The following TYW1 variants were observed in gnomAD, a reference collection of about 807,000 sequenced individuals.
The protein encoded by TYW1 is tRNA-yW synthesizing protein 1 homolog, also known as S-adenosyl-L-methionine-dependent tRNA 4-demethylwyosine synthase TYW1.
A neutral mutation model predicts 96.2 loss-of-function variants in TYW1; 46 were observed. The observed-to-expected ratio is 0.48, with a 90% CI of 0.38 to 0.61. The LOEUF is 0.61. Ranked by LOEUF, TYW1 falls within the 20% of genes least tolerant of loss-of-function variation. TYW1 has a pLI of 0.00. For synonymous variants in TYW1, 274 were observed against 323.0 expected, an observed-to-expected ratio of 0.85 and a Z score of 1.63; for missense variants, 684 against 909.6, an observed-to-expected ratio of 0.75 and a Z score of 3.19.
chr7:67,235,028 T>G (rs1801840945), intron 15 of TYW1, among the ~76,000 whole-genome samples: 3 of 152,044 alleles, frequency 2.0e-5, no homozygotes, highest in Admixed American at 6.6e-5. Flanking sequence ...ACACCCATGG[T>G]AAATGATCAT....
chr7:67,013,110 C>T (rs1584461721), intron 4 of TYW1, among the ~76,000 whole-genome samples: 1 of 147,896 alleles, frequency 6.8e-6, no homozygotes, highest in African/African-American at 2.5e-5. Flanking sequence ...TGTATTTTTT[C>T]TTTTCTTTTC....
intron 13 of TYW1, among the ~76,000 whole-genome samples, chr7:67,156,341 G>A (rs561570162): frequency 6.6e-6 from 1 of 152,364 alleles, no homozygotes; most frequent in African/African-American, 2.4e-5. Flanking sequence ...GACAGGTGGA[G>A]TGGGTTGATC....
chr7:67,009,238 TC>T (rs1408482561), intron 3 of TYW1, among the ~76,000 whole-genome samples: 2 of 152,186 alleles, frequency 1.3e-5, no homozygotes, highest in African/African-American at 2.4e-5. Context: ...CCTCAAGTGA[TC>T]CTCCCACCTC....
At chr7:67,114,336 CA>C (rs1288572953) in intron 12 of TYW1, 1 of 153,848 alleles carries the variant, frequency 6.5e-6, no homozygotes, top group Non-Finnish European at 1.5e-5. Flanking sequence ...GCAGATATGT[CA>C]GGCCTCATTC....
intron 12 of TYW1, among the ~76,000 whole-genome samples, chr7:67,115,219 G>T (rs1194063568): frequency 1.3e-5 from 2 of 149,112 alleles, no homozygotes; most frequent in Non-Finnish European, 3.0e-5. Context: ...ATGATAGCCA[G>T]CAGTAACCAT....
chr7:67,007,672 G>A (rs532290599), intron 3 of TYW1, among the ~76,000 whole-genome samples: 13 of 151,942 alleles, frequency 8.6e-5, no homozygotes, highest in African/African-American at 2.9e-4. Flanking sequence ...TCGCTCTGTC[G>A]TCCAGGCTGG....
At chr7:67,022,651 C>T (rs61680214) in intron 6 of TYW1, among the ~76,000 whole-genome samples, 26,099 of 152,130 alleles carry the variant, frequency 0.17, 2,737 homozygotes, top group East Asian at 0.46. Flanking sequence ...GTATGTTTCA[C>T]GTGGTGTACT....
rs1275146661 is a variant in TYW1, at chr7:67,179,919, C to T, written c.1699-3207C>T. ...TTGCTGTGTCACCCAGGCTGGAGTG[C>T]GTTGGTGTGATCATGGCTCACGGCA... On this transcript the variant is annotated intron_variant, in intron 13 of 15. Transcript: ENST00000359626. 3.1e-5 allele frequency among the ~76,000 whole-genome samples: 3 copies of T among 96,920 alleles called. 1 individual carries two copies. Among genetic ancestry groups the T allele is most frequent in the South Asian group, 3.6e-4 (1 of 2,808 alleles). The allele number at this position is 96,920 out of a possible 152,430, so 63.6% of individuals were successfully genotyped here.
chr7:67,118,447 A>G (rs189452881), intron 13 of TYW1, among the ~76,000 whole-genome samples: 15 of 152,254 alleles, frequency 9.9e-5, no homozygotes, highest in African/African-American at 2.9e-4. Flanking sequence ...TACAATGTAA[A>G]TGCCATGTAA....
At chr7:67,135,302 GT>G (rs869257148) in intron 13 of TYW1, among the ~76,000 whole-genome samples, 315 of 111,810 alleles carry the variant, frequency 2.8e-3, no homozygotes, top group African/African-American at 6.5e-3. Context: ...TGTTAAAACA[GT>G]TTTTTTTTTT....
chr7:67,088,993 T>C (rs1399995919), intron 11 of TYW1, among the ~76,000 whole-genome samples: 1 of 152,240 alleles, frequency 6.6e-6, no homozygotes, highest in Non-Finnish European at 1.5e-5. Context: ...CTTGAAGGCA[T>C]TTCCTTCGTA....
At chr7:67,045,970 G>T (rs1211002904) in intron 7 of TYW1, among the ~76,000 whole-genome samples, 3 of 152,156 alleles carry the variant, frequency 2.0e-5, no homozygotes, top group South Asian at 2.1e-4. Context: ...TGTGGCACTG[G>T]CTTTTAAAAA....
rs1794696627 is a variant in TYW1, at chr7:67,032,341, T to G, written c.984+7319T>G. Among the ~76,000 whole-genome samples the G allele has an allele frequency of 2.0e-5, 3 of 152,158 alleles. No homozygotes were observed. In the South Asian group the frequency reaches 6.2e-4, roughly 32 times the overall value. On this transcript the variant is annotated intron_variant, in intron 7 of 15. Transcript: ENST00000359626. ...GACAGATAAACAGAAGTAGGAGGCC[T>G]GGCGTGCTGAATTGCACATGTAATC...
At chr7:67,080,176 G>GC in intron 10 of TYW1, among the ~76,000 whole-genome samples, 1 of 152,058 alleles carries the variant, frequency 6.6e-6, no homozygotes, top group Non-Finnish European at 1.5e-5. Context: ...TGATGTTGAT[G>GC]CCCCCAACTA....
At chr7:67,123,491 A>G (rs1216927751) in intron 13 of TYW1, among the ~76,000 whole-genome samples, 5 of 152,224 alleles carry the variant, frequency 3.3e-5, no homozygotes, top group Admixed American at 6.5e-5. Flanking sequence ...AGAGAAATGT[A>G]AGTGTATTGC....
intron 15 of TYW1, among the ~76,000 whole-genome samples, chr7:67,222,914 C>T (rs1271858182): frequency 7.8e-6 from 1 of 128,684 alleles, no homozygotes; most frequent in Non-Finnish European, 1.6e-5. Context: ...TTTCCATTGT[C>T]CTGTTTTCAG....
chr7:67,073,876 A>G (rs537814217), intron 10 of TYW1, among the ~76,000 whole-genome samples: 2 of 150,730 alleles, frequency 1.3e-5, no homozygotes, highest in African/African-American at 4.9e-5. Flanking sequence ...AGGTCAGGAG[A>G]TCGAAACCAT....
intron 13 of TYW1, among the ~76,000 whole-genome samples, chr7:67,124,889 C>T (rs1053764971): frequency 2.0e-5 from 3 of 152,072 alleles, no homozygotes; most frequent in African/African-American, 7.2e-5. Context: ...GGCTGGAGTG[C>T]AATGGCGTGA....
At chr7:67,194,726 CT>C (rs1195266054) in intron 14 of TYW1, among the ~76,000 whole-genome samples, 1 of 150,504 alleles carries the variant, frequency 6.6e-6, no homozygotes, top group Admixed American at 6.6e-5. Flanking sequence ...GGAAGCTCAG[CT>C]TATTTTCCCA....
Sources: allele counts gnomAD v4.1 joint callset (sites outside exome capture counted in the v4.1 genomes callset), GRCh38; gene constraint gnomAD v4.1.1; transcripts MANE v1.5; gene names NCBI Gene and HGNC (gene_info 2026-07-23, HGNC 2026-07-21).